The following TRUB2 variants were observed in gnomAD, a reference collection of about 807,000 sequenced individuals.
The protein encoded by TRUB2 is TruB pseudouridine synthase family member 2, also known as pseudouridylate synthase TRUB2, mitochondrial.
A neutral mutation model predicts 31.9 loss-of-function variants in TRUB2; 31 were observed. That is an observed-to-expected ratio of 0.97 (90% confidence interval 0.73 to 1.31). TRUB2 has a LOEUF of 1.31. Ranked by LOEUF, TRUB2 falls within the 50% of genes most tolerant of loss-of-function variation. The probability of loss-of-function intolerance (pLI) is 0.00; values close to 1 mark genes in which losing one functional copy is unlikely to be tolerated. For synonymous variants in TRUB2, 201 were observed against 182.6 expected, an observed-to-expected ratio of 1.10 and a Z score of -0.81; for missense variants, 451 against 439.6, an observed-to-expected ratio of 1.03 and a Z score of -0.23.
In TRUB2 at chr9:128,305,900, G is replaced by A. The variant is rs1326733098; in HGVS notation, c.*3650C>T. 6.6e-6 allele frequency: 1 copy of A among 151,854 alleles called. No individual in the cohort carries two copies. Among genetic ancestry groups the A allele is most frequent in the Non-Finnish European group, 1.5e-5 (1 of 68,014 alleles). 9.4% of individuals were successfully genotyped at this position (151,854 alleles called of 1,614,324 possible). A position where few individuals can be genotyped will look rare whatever the true frequency, so the allele number is the denominator to read the frequency against. On this transcript the variant is annotated 3_prime_UTR_variant, in exon 8 of 8. Transcript: ENST00000372890. Reference sequence around the variant, plus strand: ...TTTTGTAGAGACAGGGTCTCCTTGTGTTGCCCAGGCTGGTCTCAAACTTCT... The same window carrying A: ...TTTTGTAGAGACAGGGTCTCCTTGTATTGCCCAGGCTGGTCTCAAACTTCT...
At chr9:128,319,256 G>C (rs1470789795) in intron 2 of TRUB2, among the ~76,000 whole-genome samples, 1 of 151,460 alleles carries the variant, frequency 6.6e-6, no homozygotes, top group Non-Finnish European at 1.5e-5. Context: ...AACCCAGGAG[G>C]AGAAGCTTGC....
In TRUB2 at chr9:128,306,638, A is replaced by G. The variant is rs1831870196; in HGVS notation, c.*2912T>C. ...ATTTTTAGTAGAGACAGGTTTCACC[A>G]TGTTGGTCAGGCTGGTCTTGAACTC... On this transcript the variant is annotated 3_prime_UTR_variant, in exon 8 of 8. Transcript: ENST00000372890. 1 of 151,674 alleles carries G rather than the reference A, an allele frequency of 6.6e-6. No homozygotes were observed. The highest frequency in any genetic ancestry group is 6.6e-5 in the Admixed American group (1 of 15,208). The allele number at this position is 151,674 out of a possible 1,614,324, so 9.4% of individuals were successfully genotyped here.
chr9:128,310,757 G>A (rs1034429264), intron 7 of TRUB2, 130 bp downstream of exon 7: 9 of 1,305,522 alleles, frequency 6.9e-6, no homozygotes, highest in African/African-American at 4.4e-5. Flanking sequence ...GCCTTGGCCC[G>A]CAGAGATCAG....
intron 4 of TRUB2, among the ~76,000 whole-genome samples, chr9:128,314,487 A>G (rs1342573459): frequency 1.3e-5 from 2 of 152,070 alleles, no homozygotes; most frequent in Non-Finnish European, 2.9e-5. Context: ...ATAAGTAATG[A>G]TTGGCTGGAT....
In TRUB2 at chr9:128,313,771, G is replaced by A. The variant is rs79089087; in HGVS notation, c.460+37C>T. 8,784 of 1,595,114 alleles carry A rather than the reference G, an allele frequency of 5.5e-3. 398 individuals carry two copies. The African/African-American group carries it at 0.1, about 19-fold the overall frequency. On this transcript the variant is annotated intron_variant, in intron 5 of 7. Transcript: ENST00000372890. ...GGGAGAGGACTCAGGGAAAGCAAATGCGGAGGGAGGCAGCGGCAGCCACTT... is the reference window on the plus strand; with the variant it reads ...GGGAGAGGACTCAGGGAAAGCAAATACGGAGGGAGGCAGCGGCAGCCACTT...
chr9:128,321,650 C>G lies in TRUB2; in HGVS notation c.190G>C (p.Glu64Gln), dbSNP rs1443096278. 2 of 1,613,924 alleles carry G rather than the reference C, an allele frequency of 1.2e-6. No homozygotes were observed. Among genetic ancestry groups the G allele is most frequent in the African/African-American group, 2.7e-5 (2 of 74,932 alleles). The change falls in exon 2 of 8, where the codon GAG (glutamate) becomes CAG (glutamine). Residue 64 changes from glutamate to glutamine, a missense_variant. Coordinates refer to ENST00000372890, the MANE Select transcript of TRUB2 (RefSeq NM_015679.3). ...LGPMEGSEEK[E>Q]LTLTATSVPS... ...ACGCTGGTGGCTGTGAGGGTCAGCT[C>G]CTTCTCTTCGCTGCCTTCCATGGGG...
At chr9:128,315,821 C>T (rs1398996470) in intron 3 of TRUB2, 193 bp from the exon 4 acceptor site, 4 of 607,774 alleles carry the variant, frequency 6.6e-6, no homozygotes, top group East Asian at 2.9e-5. Context: ...CTGGGCCTTA[C>T]CCATATGCAC....
chr9:128,309,298 A>C lies in TRUB2; in HGVS notation c.*252T>G. ...TGCCTCAGCCTTGGGAGTAGCTGGGATTACAAGTGCCCGCCACCACGCCTG... is the reference window on the plus strand; with the variant it reads ...TGCCTCAGCCTTGGGAGTAGCTGGGCTTACAAGTGCCCGCCACCACGCCTG... On this transcript the variant is annotated 3_prime_UTR_variant, in exon 8 of 8. Transcript: ENST00000372890. 1 of 490,062 alleles carries C rather than the reference A, an allele frequency of 2.0e-6. No individual in the cohort carries two copies. The highest frequency in any genetic ancestry group is 3.7e-6 in the Non-Finnish European group (1 of 270,730). 30.4% of individuals were successfully genotyped at this position (490,062 alleles called of 1,614,324 possible). A position where few individuals can be genotyped will look rare whatever the true frequency, so the allele number is the denominator to read the frequency against.
chr9:128,318,305 C>T (rs1376800669), intron 2 of TRUB2, among the ~76,000 whole-genome samples: 1 of 152,118 alleles, frequency 6.6e-6, no homozygotes, highest in African/African-American at 2.4e-5. Flanking sequence ...GATCACACCA[C>T]TGCACTCCAG....
At position 128,319,887 on chromosome 9, in the gene TRUB2, G is replaced by T. The variant is rs1832132643; in HGVS notation, c.241+1712C>A. Among the ~76,000 whole-genome samples, 3 of 148,796 alleles carry T rather than the reference G, an allele frequency of 2.0e-5. No individual in the cohort carries two copies. The Admixed American group carries it at 2.0e-4, about 10-fold the overall frequency. On this transcript the variant is annotated intron_variant, in intron 2 of 7. Transcript: ENST00000372890. ...GCCCACCTTGGCCTCCCAAAGTGCA[G>T]CGATTACAGGCGTGAGCCACCACAC...
At chr9:128,319,052 C>T (rs936407800) in intron 2 of TRUB2, among the ~76,000 whole-genome samples, 1 of 150,964 alleles carries the variant, frequency 6.6e-6, no homozygotes, top group Admixed American at 6.6e-5. Context: ...CATGGCCGGG[C>T]GTGGTGGCTC....
At chr9:128,319,537 G>A (rs1346587263) in intron 2 of TRUB2, among the ~76,000 whole-genome samples, 2 of 152,008 alleles carry the variant, frequency 1.3e-5, no homozygotes, top group Non-Finnish European at 2.9e-5. Context: ...CAAGGGGATT[G>A]GGTCCAGGAT....
In TRUB2 at chr9:128,309,415, C is replaced by T; in HGVS notation, c.*135G>A. On this transcript the variant is annotated 3_prime_UTR_variant, in exon 8 of 8. Transcript: ENST00000372890. The stretch of plus-strand genomic sequence containing the variant: ...TCTCAGTTGGGTCAAGTCCATTGAC[C>T]TTTCTGTTACAGCTTGAGTTTTGTG... 2 of 979,162 alleles carry T rather than the reference C, an allele frequency of 2.0e-6. No homozygotes were observed. Among genetic ancestry groups the T allele is most frequent in the Admixed American group, 2.6e-5 (1 of 37,908 alleles). The allele number at this position is 979,162 out of a possible 1,614,324, so 60.7% of individuals were successfully genotyped here.
intron 2 of TRUB2, 121 bp downstream of exon 2, chr9:128,321,478 A>C (rs1832174063): frequency 1.3e-6 from 2 of 1,528,878 alleles, no homozygotes; most frequent in Middle Eastern, 2.2e-4. Context: ...TCCTGGTCTA[A>C]TACCTCACTC....
chr9:128,311,504 G>A (rs767869314), intron 6 of TRUB2, 25 bp downstream of exon 6: 2 of 1,612,834 alleles, frequency 1.2e-6, no homozygotes, highest in Non-Finnish European at 8.5e-7. Flanking sequence ...TGCTCTCCCA[G>A]TACCTCCCTG....
At chr9:128,316,117 C>G (rs900517751) in intron 3 of TRUB2, among the ~76,000 whole-genome samples, 1 of 151,682 alleles carries the variant, frequency 6.6e-6, no homozygotes, top group Non-Finnish European at 1.5e-5. Flanking sequence ...TTGAGACCAG[C>G]TTGGCCAACA....
intron 1 of TRUB2, 43 bp from the exon 2 acceptor site, chr9:128,321,773 T>C (rs756096088): frequency 3.8e-6 from 6 of 1,560,064 alleles, no homozygotes; most frequent in Non-Finnish European, 5.2e-6. Flanking sequence ...CATACAAATA[T>C]ATGTACATAT....
chr9:128,312,427 C>T (rs1472048760), intron 5 of TRUB2, among the ~76,000 whole-genome samples: 3 of 148,612 alleles, frequency 2.0e-5, no homozygotes, highest in Non-Finnish European at 4.5e-5. Flanking sequence ...CGTGAGCCAC[C>T]GAACCTGGCC....
chr9:128,317,368 T>C (rs1832088129), intron 2 of TRUB2, 142 bp from the exon 3 acceptor site: 4 of 755,626 alleles, frequency 5.3e-6, no homozygotes, highest in East Asian at 2.7e-5. Context: ...TTCCCCGTCA[T>C]GGAATCTGGG....
Sources: gnomAD v4.1 joint callset for allele counts (sites outside exome capture counted in the v4.1 genomes callset) on GRCh38, gnomAD v4.1.1 for gene constraint, MANE v1.5 for transcripts, NCBI Gene and HGNC (gene_info 2026-07-23, HGNC 2026-07-21) for gene names.